Variants in FCER2 observed in about 807,000 individuals in gnomAD.
FCER2 encodes the protein Fc epsilon receptor II.
In FCER2, 38 loss-of-function variants were observed where a neutral mutation model predicts 49.7. That is an observed-to-expected ratio of 0.76 (90% CI 0.59 to 1.00). The LOEUF (loss-of-function observed/expected upper bound fraction) is 1.00, where lower values mean the gene tolerates loss of function less well. FCER2 is among the 50% of genes least tolerant of loss of function. The probability of loss-of-function intolerance (pLI) is 0.00; values close to 1 mark genes in which losing one functional copy is unlikely to be tolerated. For synonymous variants in FCER2, 163 were observed against 164.6 expected, an observed-to-expected ratio of 0.99 and a Z score of 0.07; for missense variants, 425 against 419.5, an observed-to-expected ratio of 1.01 and a Z score of -0.11.
rs1413031843 is a variant in FCER2, at chr19:7,689,218, G to A, written c.941C>T (p.Thr314Ile). ...TCAAGAGTGGAGAGGGGCAGAGGGG[G>A]TGGGCAGGCGGCCGTCAGGGTCTGG... ...SRPDPDGRLPTPSAPLHS is the reference protein window; with the variant it reads ...SRPDPDGRLPIPSAPLHS Residue 314 changes from threonine (T) to isoleucine (I), a missense_variant, in exon 11 of 11, where the codon ACC (threonine) becomes ATC (isoleucine). Transcript: ENST00000597921. The A allele has an allele frequency of 6.2e-7, 1 of 1,612,658 alleles. No individual in the cohort carries two copies. The highest frequency in any genetic ancestry group is 1.1e-5 in the South Asian group (1 of 91,026).
rs2032834955 is a variant in FCER2 at position 7,690,490 on chromosome 19, C to G, written c.537G>C (p.Lys179Asn). 1 of 1,614,126 alleles carries G rather than the reference C, an allele frequency of 6.2e-7. No homozygotes were observed. Among genetic ancestry groups the G allele is most frequent in the African/African-American group, 1.3e-5 (1 of 75,050 alleles). ...NFQRKCYYFG[K>N]GTKQWVHARY... Reference sequence around the variant, plus strand: ...GGGCGTGGACCCACTGCTTGGTGCCCTTGCCGAAGTAGTAGCACTTCCGTT... The same window carrying G: ...GGGCGTGGACCCACTGCTTGGTGCCGTTGCCGAAGTAGTAGCACTTCCGTT... Residue 179 changes from lysine to asparagine, a missense_variant, in exon 9 of 11, where the codon AAG becomes AAC. Coordinates refer to ENST00000597921, the MANE Select transcript of FCER2 (RefSeq NM_001220500.2).
intron 8 of FCER2, among the ~76,000 whole-genome samples, chr19:7,695,246 C>G (rs2032981133): frequency 1.3e-5 from 2 of 152,266 alleles, no homozygotes; most frequent in African/African-American, 4.8e-5. Flanking sequence ...AAGAGGCCAC[C>G]ATCTCCATTG....
chr19:7,694,604 C>T (rs1360706600), intron 8 of FCER2, among the ~76,000 whole-genome samples: 1 of 152,134 alleles, frequency 6.6e-6, no homozygotes, highest in African/African-American at 2.4e-5. Context: ...CCAGAGTGCT[C>T]TTCCCCTGTG....
At chr19:7,699,269 C>T (rs894187379) in intron 2 of FCER2, 14 of 615,628 alleles carry the variant, frequency 2.3e-5, no homozygotes, top group Non-Finnish European at 2.6e-5. Flanking sequence ...CACTCCCCAG[C>T]CACTTTCCCA....
rs201422970 is a variant in FCER2, at chr19:7,690,120, T to G, written c.728+39A>C. On this transcript the variant is annotated intron_variant, in intron 10 of 10. Transcript: ENST00000597921. ...AGGGAGCTCCTCCCTCCACGGTATT[T>G]CCATCTCCTCCCCTGGATCCCAGAG... is the stretch of plus-strand genomic sequence containing the variant. The G allele has an allele frequency of 1.7e-5, 22 of 1,306,122 alleles. No individual in the cohort carries two copies. In the African/African-American group the frequency reaches 3.1e-4, roughly 18 times the overall value. The allele number at this position is 1,306,122 out of a possible 1,614,324, so 80.9% of individuals were successfully genotyped here.
At chr19:7,699,490 T>C (rs925135866) in intron 2 of FCER2, 5 of 1,350,852 alleles carry the variant, frequency 3.7e-6, no homozygotes, top group African/African-American at 1.5e-5. Context: ...TTTTTTTTTT[T>C]TTCTTTTTCT....
At chr19:7,690,344 TG>T in intron 9 of FCER2, 61 bp downstream of exon 9, 1 of 1,597,936 alleles carries the variant, frequency 6.3e-7, no homozygotes, top group South Asian at 1.1e-5. Context: ...TTGGGTAGAG[TG>T]GGGTGGGGGT....
At chr19:7,691,965 C>A (rs2032883745) in intron 8 of FCER2, among the ~76,000 whole-genome samples, 2 of 74,302 alleles carry the variant, frequency 2.7e-5, no homozygotes, top group Non-Finnish European at 5.3e-5. Context: ...ACACCATTGT[C>A]ACACATTCAC....
intron 8 of FCER2, among the ~76,000 whole-genome samples, chr19:7,691,143 C>A (rs2032859349): frequency 6.6e-6 from 1 of 152,202 alleles, no homozygotes; most frequent in Non-Finnish European, 1.5e-5. Context: ...CAACCATCGT[C>A]ATAACCACAG....
At position 7,699,448 on chromosome 19, in the gene FCER2, A is replaced by G. The variant is rs116730211; in HGVS notation, c.22+291T>C. On this transcript the variant is annotated intron_variant, in intron 2 of 10. Transcript: ENST00000597921. ...CCTGTTCTATTTGGCCTCTGACTCT[A>G]TTGGGCTCCCCGCTCCCTAGCTGAA... 345 of 1,464,486 alleles carry G rather than the reference A, an allele frequency of 2.4e-4. 3 individuals are homozygous for G. In the African/African-American group the frequency reaches 4.5e-3, roughly 19 times the overall value. 90.7% of individuals were successfully genotyped at this position (1,464,486 alleles called of 1,614,324 possible).
chr19:7,697,147 GC>G (rs1003427637), intron 6 of FCER2, 72 bp from the exon 7 acceptor site: 8 of 1,604,282 alleles, frequency 5.0e-6, no homozygotes, highest in Non-Finnish European at 6.8e-6. Context: ...CCCAAGCCTG[GC>G]CCCCCAGCCT....
intron 3 of FCER2, 52 bp from the exon 4 acceptor site, chr19:7,698,461 A>T: frequency 7.4e-7 from 1 of 1,357,394 alleles, no homozygotes; most frequent in Non-Finnish European, 1.0e-6. Flanking sequence ...CAGTGCCCCC[A>T]CCTGCCTGCA....
chr19:7,689,122 G>A lies in FCER2; in HGVS notation c.*71C>T. The A allele has an allele frequency of 9.2e-7, 1 of 1,087,480 alleles. No individual in the cohort carries two copies. Among genetic ancestry groups the A allele is most frequent in the Middle Eastern group, 2.6e-4 (1 of 3,844 alleles). The allele number at this position is 1,087,480 out of a possible 1,614,324, so 67.4% of individuals were successfully genotyped here. A position where few individuals can be genotyped will look rare whatever the true frequency, so the allele number is the denominator to read the frequency against. On this transcript the variant is annotated 3_prime_UTR_variant, in exon 11 of 11. Transcript: ENST00000597921. The stretch of plus-strand genomic sequence containing the variant: ...CAGAAAATGTCACAGGGACCTTTCA[G>A]CCACAAAGAGGCTTTTAGGCCGTGG...
rs1317407790 is a variant in FCER2, at chr19:7,699,414, T to C, written c.22+325A>G. 2.1e-6 allele frequency: 3 copies of C among 1,413,836 alleles called. No homozygotes were observed. In the African/African-American group the frequency reaches 4.3e-5, roughly 20 times the overall value. 87.6% of individuals were successfully genotyped at this position (1,413,836 alleles called of 1,614,324 possible). A position where few individuals can be genotyped will look rare whatever the true frequency, so the allele number is the denominator to read the frequency against. On this transcript the variant is annotated intron_variant, in intron 2 of 10. Coordinates refer to ENST00000597921, the MANE Select transcript of FCER2 (RefSeq NM_001220500.2). ...GATTCATTATGCTAAATTCTGCTTG[T>C]TCCAAGTTCCTGTTCTATTTGGCCT...
intron 1 of FCER2, 148 bp downstream of exon 1, chr19:7,701,867 A>G (rs1041341747): frequency 1.3e-5 from 1 of 77,252 alleles, no homozygotes. Flanking sequence ...TGCGGCCCCC[A>G]CCCCCGCCCC....
chr19:7,698,975 C>T, intron 2 of FCER2, 121 bp from the exon 3 acceptor site: 1 of 1,040,276 alleles, frequency 9.6e-7, no homozygotes, highest in Non-Finnish European at 1.4e-6. Flanking sequence ...CACACTGAAG[C>T]AAAGGGTCTC....
intron 8 of FCER2, among the ~76,000 whole-genome samples, chr19:7,692,677 AATG>A (rs1459929962): frequency 1.0e-4 from 15 of 149,336 alleles, no homozygotes; most frequent in African/African-American, 3.6e-4. Context: ...AGCTGACGCC[AATG>A]TCACCACAAA....
At chr19:7,698,306 T>G in intron 4 of FCER2, 50 bp downstream of exon 4, 1 of 1,333,750 alleles carries the variant, frequency 7.5e-7, no homozygotes, top group Non-Finnish European at 1.0e-6. Flanking sequence ...GGATGAGTGC[T>G]GGGCATCCTA....
intron 8 of FCER2, among the ~76,000 whole-genome samples, chr19:7,693,006 G>A (rs1487325947): frequency 1.3e-5 from 2 of 152,056 alleles, no homozygotes; most frequent in Admixed American, 1.3e-4. Context: ...TCCAAGGTCA[G>A]CAACACCTTC....
Sources: allele counts gnomAD v4.1 joint callset (sites outside exome capture counted in the v4.1 genomes callset), GRCh38; gene constraint gnomAD v4.1.1; transcripts MANE v1.5; gene names NCBI Gene and HGNC (gene_info 2026-07-23, HGNC 2026-07-21).